GRM7: variants seen among roughly 807,000 people sequenced by gnomAD.
GRM7 encodes the protein metabotropic glutamate receptor 7.
In GRM7, 35 loss-of-function variants were observed where a neutral mutation model predicts 84.5. The ratio of observed to expected loss-of-function variants is 0.41; its 90% CI spans 0.32 to 0.55. The LOEUF (loss-of-function observed/expected upper bound fraction) is 0.55. Among genes scored for constraint, GRM7 ranks in the 20% least tolerant of loss-of-function variants. The pLI, the probability that GRM7 is intolerant of heterozygous loss-of-function variation, is 0.19. For missense variants in GRM7, 1,003 were observed against 1,194.6 expected (o/e 0.84, Z 2.36); for synonymous variants, 487 against 455.1 (o/e 1.07, Z -0.89).
At chr3:7,193,431 C>G (rs868810252) in intron 2 of GRM7, among the ~76,000 whole-genome samples, 2 of 152,128 alleles carry the variant, frequency 1.3e-5, no homozygotes, top group Middle Eastern at 6.8e-3. Flanking sequence ...AACATAAAAC[C>G]TTGTTGGCCA....
intron 8 of GRM7, among the ~76,000 whole-genome samples, chr3:7,640,856 T>C (rs1283557749): frequency 6.6e-6 from 1 of 152,212 alleles, no homozygotes; most frequent in African/African-American, 2.4e-5. Flanking sequence ...TATAATGCAA[T>C]GTCAAGACCT....
chr3:6,880,721 TC>T (rs1393806891), intron 1 of GRM7, among the ~76,000 whole-genome samples: 1 of 152,168 alleles, frequency 6.6e-6, no homozygotes, highest in African/African-American at 2.4e-5. Flanking sequence ...CTCGTCTTTG[TC>T]AAAAGCATTT....
At chr3:7,055,684 C>G (rs932395245) in intron 1 of GRM7, among the ~76,000 whole-genome samples, 48 of 151,730 alleles carry the variant, frequency 3.2e-4, no homozygotes, top group Non-Finnish European at 6.8e-4. Context: ...CCACATCCAG[C>G]AACTTTTTGT....
chr3:6,889,221 A>G (rs1430053804), intron 1 of GRM7, among the ~76,000 whole-genome samples: 4 of 152,090 alleles, frequency 2.6e-5, no homozygotes, highest in Non-Finnish European at 4.4e-5. Flanking sequence ...AATGCCCTTT[A>G]TTTCCTTCTC....
At chr3:7,495,604 G>A (rs916914713) in intron 7 of GRM7, among the ~76,000 whole-genome samples, 10 of 152,044 alleles carry the variant, frequency 6.6e-5, no homozygotes, top group Admixed American at 6.6e-4. Flanking sequence ...AGAATCTCAG[G>A]GCCAGCAAGG....
At chr3:7,019,207 A>C (rs185563036) in intron 1 of GRM7, among the ~76,000 whole-genome samples, 1 of 152,328 alleles carries the variant, frequency 6.6e-6, no homozygotes, top group African/African-American at 2.4e-5. Flanking sequence ...AGAGCAATGT[A>C]GTTTCTCAGA....
At chr3:7,593,756 G>A (rs1302145525) in intron 8 of GRM7, among the ~76,000 whole-genome samples, 1 of 152,098 alleles carries the variant, frequency 6.6e-6, no homozygotes, top group Non-Finnish European at 1.5e-5. Flanking sequence ...TTGGAATTCT[G>A]AGCAAGAAGG....
At chr3:7,104,969 T>C (rs770725220) in intron 1 of GRM7, among the ~76,000 whole-genome samples, 19 of 151,884 alleles carry the variant, frequency 1.3e-4, no homozygotes, top group Non-Finnish European at 2.4e-4. Context: ...TCAAACACTG[T>C]TGTAAAATTT....
At position 7,152,755 on chromosome 3, in the gene GRM7, C is replaced by T. The variant is rs112826597; in HGVS notation, c.736+6087C>T. ...TTCATCTTTTTAACATCACAATATTCTTACATCTATTTCCATTGATAAATT... is the reference window on the plus strand; with the variant it reads ...TTCATCTTTTTAACATCACAATATTTTTACATCTATTTCCATTGATAAATT... On this transcript the variant is annotated intron_variant, in intron 2 of 9. Transcript: ENST00000357716. Among the ~76,000 whole-genome samples, 9 of 152,288 alleles carry T rather than the reference C, an allele frequency of 5.9e-5. 1 individual carries two copies. Among genetic ancestry groups the T allele is most frequent in the African/African-American group, 2.2e-4 (9 of 41,568 alleles).
At chr3:7,064,911 G>C (rs1335171051) in intron 1 of GRM7, among the ~76,000 whole-genome samples, 1 of 151,776 alleles carries the variant, frequency 6.6e-6, no homozygotes, top group African/African-American at 2.4e-5. Flanking sequence ...TTGCATTGTG[G>C]TTTTGATTTA....
At chr3:7,673,929 C>T (rs1407964031) in intron 8 of GRM7, among the ~76,000 whole-genome samples, 1 of 152,126 alleles carries the variant, frequency 6.6e-6, no homozygotes, top group East Asian at 1.9e-4. Flanking sequence ...AACTACACAG[C>T]ACACACTGAC....
chr3:7,333,189 C>T (rs1176432520), intron 4 of GRM7, among the ~76,000 whole-genome samples: 2 of 152,182 alleles, frequency 1.3e-5, no homozygotes, highest in Non-Finnish European at 2.9e-5. Context: ...GCATAACCAA[C>T]ATTTGAGAAA....
At chr3:7,468,652 T>C (rs1305779901) in intron 7 of GRM7, among the ~76,000 whole-genome samples, 1 of 152,152 alleles carries the variant, frequency 6.6e-6, no homozygotes, top group East Asian at 1.9e-4. Context: ...ATAATCCCCA[T>C]GTGTTGAGGG....
intron 9 of GRM7, 66 bp from the exon 10 acceptor site, chr3:7,740,291 A>C: frequency 9.8e-7 from 1 of 1,017,964 alleles, no homozygotes; most frequent in Non-Finnish European, 1.5e-6. Context: ...GAAAAGTTCT[A>C]ATTCTATTTC....
intron 5 of GRM7, among the ~76,000 whole-genome samples, chr3:7,436,982 A>G (rs1697083397): frequency 6.6e-6 from 1 of 152,084 alleles, no homozygotes; most frequent in South Asian, 2.1e-4. Flanking sequence ...TTTGGAGATC[A>G]CTTCATGGTT....
chr3:7,352,322 T>C (rs895581347), intron 4 of GRM7, among the ~76,000 whole-genome samples: 15 of 152,124 alleles, frequency 9.9e-5, no homozygotes, highest in African/African-American at 3.6e-4. Context: ...AGTGACTCTA[T>C]ACATGGCATT....
At chr3:7,062,703 ACTCTAT>A (rs1203639888) in intron 1 of GRM7, among the ~76,000 whole-genome samples, 2 of 151,686 alleles carry the variant, frequency 1.3e-5, no homozygotes, top group Non-Finnish European at 2.9e-5. Context: ...CCACATCTGT[ACTCTAT>A]TAAATTGTTA....
chr3:7,450,178 A>G (rs1373133928), intron 5 of GRM7, among the ~76,000 whole-genome samples: 1 of 152,094 alleles, frequency 6.6e-6, no homozygotes, highest in Non-Finnish European at 1.5e-5. Flanking sequence ...TTTCCACATG[A>G]AAGAAGCTCA....
intron 1 of GRM7, among the ~76,000 whole-genome samples, chr3:7,108,129 T>C (rs1267730613): frequency 2.0e-5 from 3 of 152,032 alleles, no homozygotes; most frequent in South Asian, 4.1e-4. Context: ...TGTGCTATGA[T>C]TGGAGATCAT....
Sources: allele counts gnomAD v4.1 joint callset (sites outside exome capture counted in the v4.1 genomes callset), GRCh38; gene constraint gnomAD v4.1.1; transcripts MANE v1.5; gene names NCBI Gene and HGNC (gene_info 2026-07-23, HGNC 2026-07-21).